Variants in TUBGCP3 observed in about 807,000 individuals in gnomAD.
TUBGCP3 encodes tubulin gamma complex component 3, also known as gamma-tubulin complex component 3.
In TUBGCP3, 50 loss-of-function variants were observed where a neutral mutation model predicts 123.1. The ratio of observed to expected loss-of-function variants is 0.41; its 90% CI spans 0.32 to 0.51. The LOEUF (loss-of-function observed/expected upper bound fraction) is 0.51, where lower values mean the gene tolerates loss of function less well. TUBGCP3 is among the 20% of genes least tolerant of loss of function. The pLI, the probability that TUBGCP3 is intolerant of heterozygous loss-of-function variation, is 0.36. For synonymous variants in TUBGCP3, 405 were observed against 413.9 expected (o/e 0.98, Z 0.26); for missense variants, 882 against 1,127.0 (o/e 0.78, Z 3.11).
At chr13:112,487,047 C>CTGTG (rs1417332163) in intron 21 of TUBGCP3, among the ~76,000 whole-genome samples, 37 of 121,666 alleles carry the variant, frequency 3.0e-4, no homozygotes, top group Admixed American at 1.0e-3. Context: ...CAGGCAAACA[C>CTGTG]TGTGTATGTG....
In TUBGCP3 at chr13:112,508,990, G is replaced by A. The variant is rs1881486890; in HGVS notation, c.2087-4276C>T. Among the ~76,000 whole-genome samples, 1 of 152,152 alleles carries A rather than the reference G, an allele frequency of 6.6e-6. No individual in the cohort carries two copies. Among genetic ancestry groups the A allele is most frequent in the Admixed American group, 6.5e-5 (1 of 15,270 alleles). Reference sequence around the variant, plus strand: ...CTGCCCTGCTAATCACCACGGTCGCGCCCCAGGTTCATTATTCTCAACTAC... The same window carrying A: ...CTGCCCTGCTAATCACCACGGTCGCACCCCAGGTTCATTATTCTCAACTAC... On this transcript the variant is annotated intron_variant, in intron 17 of 21. Transcript: ENST00000261965. This position sits in a 1 kb window ranked among gnomAD's most constrained non-coding sequence, Gnocchi z 4.2.
chr13:112,597,970 C>T, the TUBGCP3 span, among the ~76,000 whole-genome samples: 1 of 152,134 alleles, frequency 6.6e-6, no homozygotes, highest in Non-Finnish European at 1.5e-5. Context: ...AAACCACAGC[C>T]ACACTTGCCT....
At chr13:112,555,174 C>T (rs1879923258) in intron 6 of TUBGCP3, among the ~76,000 whole-genome samples, 169 bp from the exon 7 acceptor site, 2 of 152,116 alleles carry the variant, frequency 1.3e-5, no homozygotes, top group South Asian at 2.1e-4. Context: ...AGAAACAAGG[C>T]GAGTCTCAGT....
intron 20 of TUBGCP3, among the ~76,000 whole-genome samples, chr13:112,496,031 C>A (rs1397883881): frequency 6.6e-6 from 1 of 152,080 alleles, no homozygotes; most frequent in Non-Finnish European, 1.5e-5. Context: ...CTATACTGTT[C>A]CCATATCAGC....
rs1297352977 is a variant in TUBGCP3, at chr13:112,515,288, T to C, written c.2086+1152A>G. ...AGAGGCTTATTTTGACGTGTGACAA[T>C]GACAGCATCGGTTTGGCCTTGAATT... On this transcript the variant is annotated intron_variant, in intron 17 of 21. Transcript: ENST00000261965. 2.0e-5 allele frequency among the ~76,000 whole-genome samples: 3 copies of C among 152,142 alleles called. No homozygotes were observed. In the East Asian group the frequency reaches 5.8e-4, roughly 29 times the overall value.
intron 19 of TUBGCP3, among the ~76,000 whole-genome samples, chr13:112,500,570 C>A (rs1003014684): frequency 2.6e-5 from 4 of 152,156 alleles, no homozygotes; most frequent in Non-Finnish European, 5.9e-5. Flanking sequence ...AGCCAAATTT[C>A]TCAAATGTAG....
chr13:112,562,574 C>T (rs951123935), intron 3 of TUBGCP3, among the ~76,000 whole-genome samples: 5 of 152,176 alleles, frequency 3.3e-5, no homozygotes, highest in African/African-American at 1.2e-4. Context: ...GGGAGACACA[C>T]AGCGAGAGGC....
intron 8 of TUBGCP3, among the ~76,000 whole-genome samples, chr13:112,553,101 C>G (rs1055441282): frequency 6.6e-6 from 1 of 152,182 alleles, no homozygotes; most frequent in African/African-American, 2.4e-5. Flanking sequence ...TGCTCCTCCC[C>G]ACCAGCCACA....
At chr13:112,525,285 T>C (rs771227921) in intron 13 of TUBGCP3, among the ~76,000 whole-genome samples, 12 of 152,154 alleles carry the variant, frequency 7.9e-5, no homozygotes, top group Non-Finnish European at 1.8e-4. Context: ...TTCTCCTCCT[T>C]CTCCATGGCC....
At chr13:112,494,624 A>G (rs1880401614) in intron 20 of TUBGCP3, among the ~76,000 whole-genome samples, 2 of 152,304 alleles carry the variant, frequency 1.3e-5, no homozygotes, top group African/African-American at 4.8e-5. Flanking sequence ...TAACTTAAGG[A>G]CATACATGTA....
intron 11 of TUBGCP3, among the ~76,000 whole-genome samples, chr13:112,539,563 G>A (rs1412236568): frequency 6.6e-6 from 1 of 152,228 alleles, no homozygotes; most frequent in African/African-American, 2.4e-5. Context: ...TATCTCAGGT[G>A]TAAAGAGCTA....
At chr13:112,556,261 A>G (rs772419292) in intron 5 of TUBGCP3, 37 bp from the exon 6 acceptor site, 1 of 1,588,646 alleles carries the variant, frequency 6.3e-7, no homozygotes, top group South Asian at 1.1e-5. Context: ...CTAATAGGCT[A>G]TTCGCTGAAG....
intron 1 of TUBGCP3, among the ~76,000 whole-genome samples, chr13:112,578,611 T>TAGCAG (rs1486305323): frequency 8.4e-5 from 12 of 143,410 alleles, no homozygotes; most frequent in Admixed American, 8.4e-4. Flanking sequence ...TTATCTCAAG[T>TAGCAG]AGCAGAGCAG....
At chr13:112,520,090 A>G in intron 14 of TUBGCP3, 69 bp from the exon 15 acceptor site, 2 of 1,459,598 alleles carry the variant, frequency 1.4e-6, no homozygotes, top group South Asian at 2.6e-5. Context: ...AAAACGTATA[A>G]ACTATTAAAA....
chr13:112,488,001 G>A (rs369250901), intron 21 of TUBGCP3, among the ~76,000 whole-genome samples: 12 of 151,596 alleles, frequency 7.9e-5, no homozygotes, highest in Admixed American at 1.3e-4. Context: ...GTGTGGTGGC[G>A]CGTGCCTGTA....
rs142688634 is a variant in TUBGCP3, at chr13:112,524,936, G to A, written c.1555+2006C>T. Among the ~76,000 whole-genome samples the A allele has an allele frequency of 4.6e-5, 7 of 152,184 alleles. No individual in the cohort carries two copies. In the East Asian group the frequency reaches 5.8e-4, roughly 13 times the overall value. ...TCCTCTCTCAGTGCTATGCTCTCCC[G>A]AAATCCCCTGCTGCCCTTCCGACTT... On this transcript the variant is annotated intron_variant, in intron 13 of 21. Transcript: ENST00000261965. The surrounding 1 kb of genome is among the most constrained non-coding windows in gnomAD (Gnocchi z 4.4).
the TUBGCP3 span, among the ~76,000 whole-genome samples, chr13:112,595,201 AT>A: frequency 8.3e-3 from 1,207 of 145,660 alleles, 6 homozygotes; most frequent in African/African-American, 0.011. Flanking sequence ...CAATTAATAC[AT>A]TTTTTTTTTT....
chr13:112,582,396 C>T (rs1372351876), intron 1 of TUBGCP3, among the ~76,000 whole-genome samples: 2 of 152,162 alleles, frequency 1.3e-5, no homozygotes, highest in Non-Finnish European at 2.9e-5. Flanking sequence ...GTGATAAGAG[C>T]GTCAAAGAAA....
intron 1 of TUBGCP3, among the ~76,000 whole-genome samples, chr13:112,570,785 G>T (rs779980547): frequency 1.3e-5 from 2 of 152,174 alleles, no homozygotes; most frequent in Admixed American, 6.5e-5. Context: ...AACTTCTTTC[G>T]AAACAGAAGC....
Sources: gnomAD v4.1 joint callset for allele counts (sites outside exome capture counted in the v4.1 genomes callset) on GRCh38, gnomAD v4.1.1 for gene constraint, Gnocchi (gnomAD v3.1) non-coding constraint, MANE v1.5 for transcripts, NCBI Gene and HGNC (gene_info 2026-07-23, HGNC 2026-07-21) for gene names.